Variants in PITPNB observed in about 807,000 individuals in gnomAD.
PITPNB encodes phosphatidylinositol transfer protein beta isoform.
A neutral mutation model predicts 45.9 loss-of-function variants in PITPNB; 16 were observed. The ratio of observed to expected loss-of-function variants is 0.35; its 90% CI spans 0.24 to 0.53. PITPNB has a LOEUF of 0.53. Among genes scored for constraint, PITPNB ranks in the 20% least tolerant of loss-of-function variants. The pLI is 0.93. For missense variants in PITPNB, 188 were observed against 330.5 expected (o/e 0.57, Z 3.34); for synonymous variants, 112 against 108.9 (o/e 1.03, Z -0.18).
intron 7 of PITPNB, among the ~76,000 whole-genome samples, chr22:27,878,805 C>T (rs1934890205): frequency 6.6e-6 from 1 of 152,194 alleles, no homozygotes; most frequent in Non-Finnish European, 1.5e-5. Context: ...CTTATCTATT[C>T]ATTAAAGCAG....
In PITPNB at chr22:27,916,316, G is replaced by C. The variant is rs576433156; in HGVS notation, c.21-1969C>G. On this transcript the variant is annotated intron_variant, in intron 1 of 11. Transcript: ENST00000335272. ...TTGATTTTCTGTTGTTATTCTAAAA[G>C]CAGTATTCAACTTTCAGTGCCAGTT... 2.0e-4 allele frequency among the ~76,000 whole-genome samples: 30 copies of C among 152,296 alleles called. No homozygotes were observed. In the South Asian group the frequency reaches 3.7e-3, roughly 19 times the overall value.
intron 7 of PITPNB, chr22:27,894,303 A>G: frequency 3.1e-6 from 1 of 318,364 alleles, no homozygotes. Context: ...TCCCAGGTAT[A>G]CTGGGATTTC....
At chr22:27,916,249 A>G (rs1936071546) in intron 1 of PITPNB, among the ~76,000 whole-genome samples, 1 of 152,262 alleles carries the variant, frequency 6.6e-6, no homozygotes, top group Non-Finnish European at 1.5e-5. Flanking sequence ...AACTTCTTCA[A>G]GATTTGCTTA....
intron 7 of PITPNB, among the ~76,000 whole-genome samples, chr22:27,878,573 G>A (rs575997995): frequency 1.2e-4 from 18 of 152,138 alleles, no homozygotes; most frequent in Non-Finnish European, 2.1e-4. Flanking sequence ...TATAGTATAA[G>A]TAAATCTCAT....
chr22:27,889,680 T>C (rs1935217968), intron 7 of PITPNB, among the ~76,000 whole-genome samples: 1 of 152,202 alleles, frequency 6.6e-6, no homozygotes, highest in African/African-American at 2.4e-5. Context: ...AACTACTTCA[T>C]TGTACTGGGC....
intron 7 of PITPNB, among the ~76,000 whole-genome samples, chr22:27,881,426 T>C (rs988763068): frequency 2.6e-5 from 4 of 152,220 alleles, no homozygotes; most frequent in Admixed American, 1.3e-4. Flanking sequence ...TCACACACCC[T>C]AGTGATAAGT....
chr22:27,902,595 T>C (rs1935632157), intron 3 of PITPNB, among the ~76,000 whole-genome samples: 2 of 152,238 alleles, frequency 1.3e-5, no homozygotes, highest in East Asian at 1.9e-4. Flanking sequence ...ATAAAATTCT[T>C]ATAAGAAAAT....
chr22:27,911,316 G>A (rs561227278), intron 2 of PITPNB, among the ~76,000 whole-genome samples: 1 of 152,136 alleles, frequency 6.6e-6, no homozygotes, highest in Non-Finnish European at 1.5e-5. Flanking sequence ...TTAAAAACCT[G>A]TATTTTATAA....
chr22:27,905,731 A>G (rs1392940561), intron 3 of PITPNB, among the ~76,000 whole-genome samples: 1 of 152,236 alleles, frequency 6.6e-6, no homozygotes, highest in African/African-American at 2.4e-5. Context: ...GGACTGACTG[A>G]AGATGGCGAA....
Position 27,897,858 on chromosome 22 carries a change from C to T in PITPNB, c.232G>A (p.Glu78Lys), listed in dbSNP as rs1294625763. 2 of 1,613,838 alleles carry T rather than the reference C, an allele frequency of 1.2e-6. No individual in the cohort carries two copies. The highest frequency in any genetic ancestry group is 1.1e-5 in the South Asian group (1 of 91,064). The change falls in exon 4 of 12, where the codon GAG becomes AAG. Residue 78 changes from glutamate (E) to lysine (K), a missense_variant. Physicochemically the swap from Glu to Lys is moderately conservative, Grantham distance 56. Coordinates refer to ENST00000335272, the MANE Select transcript of PITPNB (RefSeq NM_012399.5). ...VPAFVRMIAP[E>K]GSLVFHEKAW... The stretch of plus-strand genomic sequence containing the variant: ...TTCTCATGAAACACCAAGGAGCCCT[C>T]GGGAGCAATCATCCTCACGAATGCA...
intron 10 of PITPNB, among the ~76,000 whole-genome samples, chr22:27,857,800 G>T (rs1934215313): frequency 6.6e-6 from 1 of 152,208 alleles, no homozygotes; most frequent in Non-Finnish European, 1.5e-5. Context: ...CTGGTGGTGG[G>T]GAGCAGCTGG....
intron 6 of PITPNB, 44 bp downstream of exon 6, chr22:27,896,508 G>A (rs765038783): frequency 7.0e-6 from 9 of 1,276,836 alleles, no homozygotes; most frequent in South Asian, 1.2e-5. Context: ...TAGAATTCTC[G>A]TTTCCAGGGA....
intron 7 of PITPNB, among the ~76,000 whole-genome samples, chr22:27,878,116 G>A (rs1425502916): frequency 6.6e-6 from 1 of 152,170 alleles, no homozygotes; most frequent in African/African-American, 2.4e-5. Context: ...AGTTTTAAAT[G>A]CATGGGTATT....
intron 8 of PITPNB, among the ~76,000 whole-genome samples, chr22:27,872,184 C>T (rs993671364): frequency 1.3e-5 from 2 of 149,602 alleles, no homozygotes; most frequent in African/African-American, 4.9e-5. Context: ...ACCTCTACCT[C>T]CCGGGTTCAA....
At chr22:27,885,770 AC>A (rs1413996182) in intron 7 of PITPNB, among the ~76,000 whole-genome samples, 5 of 152,230 alleles carry the variant, frequency 3.3e-5, no homozygotes, top group African/African-American at 1.2e-4. Context: ...TACTATTTGA[AC>A]AATAAAAACT....
chr22:27,854,977 A>C, intron 10 of PITPNB, 38 bp from the exon 11 acceptor site: 1 of 1,443,528 alleles, frequency 6.9e-7, no homozygotes, highest in Non-Finnish European at 9.8e-7. Context: ...CTGAAATCAG[A>C]CTCTAAATAG....
At chr22:27,909,273 C>T (rs1470668597) in intron 3 of PITPNB, among the ~76,000 whole-genome samples, 1 of 129,660 alleles carries the variant, frequency 7.7e-6, no homozygotes, top group Non-Finnish European at 1.5e-5. Flanking sequence ...CACTATATTG[C>T]CCCGACTGGT....
chr22:27,883,986 A>T (rs1377731439), intron 7 of PITPNB, among the ~76,000 whole-genome samples: 1 of 152,178 alleles, frequency 6.6e-6, no homozygotes, highest in African/African-American at 2.4e-5. Flanking sequence ...CTGGGGTATT[A>T]AGAAAAAAAA....
chr22:27,858,560 TA>T (rs1934235581), intron 9 of PITPNB, 51 bp from the exon 10 acceptor site: 1 of 1,441,842 alleles, frequency 6.9e-7, no homozygotes, highest in Non-Finnish European at 9.6e-7. Context: ...AACCTAAGAT[TA>T]ATGACACATT....
Sources: gnomAD v4.1 joint callset for allele counts (sites outside exome capture counted in the v4.1 genomes callset) on GRCh38, gnomAD v4.1.1 for gene constraint, MANE v1.5 for transcripts, NCBI Gene and HGNC (gene_info 2026-07-23, HGNC 2026-07-21) for gene names.